PCDH15: variants seen among roughly 807,000 people sequenced by gnomAD.
The protein encoded by PCDH15 is protocadherin related 15.
PCDH15 carries 129 observed loss-of-function variants against 178.5 expected under a neutral mutation model. That is an observed-to-expected ratio of 0.72 (90% CI 0.63 to 0.84). PCDH15 has a LOEUF of 0.84. PCDH15 is among the 40% of genes least tolerant of loss of function. PCDH15 has a pLI of 0.00. For synonymous variants in PCDH15, 800 were observed against 732.0 expected, an observed-to-expected ratio of 1.09 and a Z score of -1.50; for missense variants, 2,230 against 2,099.9, an observed-to-expected ratio of 1.06 and a Z score of -1.21.
chr10:54,496,717 G>C (rs2080149663), intron 3 of PCDH15, among the ~76,000 whole-genome samples: 2 of 152,052 alleles, frequency 1.3e-5, no homozygotes, highest in Non-Finnish European at 2.9e-5. Context: ...TAAAACTTGA[G>C]AGAGCTTATC....
At chr10:55,085,337 T>C (rs1038402875) in intron 2 of PCDH15, among the ~76,000 whole-genome samples, 2 of 151,688 alleles carry the variant, frequency 1.3e-5, no homozygotes, top group Non-Finnish European at 3.0e-5. Context: ...AGACAGAGAG[T>C]AGAATGATGG....
intron 13 of PCDH15, among the ~76,000 whole-genome samples, chr10:54,172,907 T>G (rs1202860367): frequency 1.3e-5 from 2 of 152,150 alleles, no homozygotes; most frequent in Non-Finnish European, 2.9e-5. Context: ...AATATAAAAG[T>G]AAATAATTGT....
chr10:54,797,510 AC>A (rs1441740130), intron 1 of PCDH15, among the ~76,000 whole-genome samples: 2 of 21,476 alleles, frequency 9.3e-5, no homozygotes, highest in African/African-American at 1.6e-4. Context: ...TTGTTGAAAC[AC>A]ACACACACAC....
chr10:54,090,138 T>C (rs564310508), intron 15 of PCDH15, 75 bp from the exon 16 acceptor site: 70 of 1,113,022 alleles, frequency 6.3e-5, no homozygotes, highest in Admixed American at 5.2e-4. Flanking sequence ...ATATAAAAGC[T>C]TGAAACTAAT....
rs533240028 is a variant in PCDH15, at chr10:54,189,756, G to A, written c.1306-4488C>T. 2.6e-5 allele frequency among the ~76,000 whole-genome samples: 4 copies of A among 151,822 alleles called. No individual in the cohort carries two copies. In the South Asian group the frequency reaches 8.3e-4, roughly 32 times the overall value. On this transcript the variant is annotated intron_variant, in intron 11 of 37. Transcript: ENST00000644397. Reference sequence around the variant, plus strand: ...ATCAGCATTCAATAATCAATTTTTAGCATCTCTGACACTGAAAACCTGGTG... The same window carrying A: ...ATCAGCATTCAATAATCAATTTTTAACATCTCTGACACTGAAAACCTGGTG...
intron 2 of PCDH15, among the ~76,000 whole-genome samples, chr10:55,031,617 T>G (rs932196741): frequency 2.2e-4 from 33 of 152,170 alleles, no homozygotes; most frequent in Non-Finnish European, 2.5e-4. Flanking sequence ...AATTCAGATG[T>G]TGCCAATGTG....
intron 1 of PCDH15, among the ~76,000 whole-genome samples, chr10:54,796,274 GTATCTATGTATCTATC>G (rs1358859208): frequency 7.4e-4 from 42 of 56,958 alleles, no homozygotes; most frequent in African/African-American, 2.8e-3. Flanking sequence ...ATCTATCTAT[GTATCTATGTATCTATC>G]TATCTATCTA....
rs1952161218 is a variant in PCDH15, at chr10:54,797,516, AC to A, written c.-29+3408del. 1.5e-4 allele frequency among the ~76,000 whole-genome samples: 8 copies of A among 52,846 alleles called. No homozygotes were observed. The Admixed American group carries it at 1.8e-3, about 12-fold the overall frequency. The allele number at this position is 52,846 out of a possible 152,430, so 34.7% of individuals were successfully genotyped here. On this transcript the variant is annotated intron_variant, in intron 1 of 37. Transcript: ENST00000644397. Reference sequence around the variant, plus strand: ...TTGCTGTTATTGTTGAAACACACACACACACACACACACACACACACACACA... The same window carrying A: ...TTGCTGTTATTGTTGAAACACACACAACACACACACACACACACACACACA...
At chr10:54,928,927 C>T (rs975811315) in intron 2 of PCDH15, among the ~76,000 whole-genome samples, 1 of 152,128 alleles carries the variant, frequency 6.6e-6, no homozygotes, top group Non-Finnish European at 1.5e-5. Context: ...TCTACTTCTG[C>T]AATTTCAGCA....
intron 3 of PCDH15, among the ~76,000 whole-genome samples, chr10:54,842,263 A>G (rs1953432938): frequency 1.3e-5 from 2 of 151,654 alleles, no homozygotes; most frequent in South Asian, 2.1e-4. Context: ...GAGTCTTCGT[A>G]ATTTTATTTT....
intron 2 of PCDH15, among the ~76,000 whole-genome samples, chr10:55,495,210 A>C (rs533947424): frequency 1.3e-5 from 2 of 151,802 alleles, no homozygotes; most frequent in Non-Finnish European, 2.9e-5. Context: ...TTTCTTAAAT[A>C]TAAAACCAAA....
chr10:55,368,652 A>T (rs1845423096), intron 2 of PCDH15, among the ~76,000 whole-genome samples: 1 of 152,024 alleles, frequency 6.6e-6, no homozygotes, highest in Admixed American at 6.6e-5. Flanking sequence ...TAACACTGGT[A>T]GTTCTAAGAA....
intron 2 of PCDH15, among the ~76,000 whole-genome samples, chr10:55,325,586 T>G (rs909314391): frequency 6.6e-6 from 1 of 152,106 alleles, no homozygotes; most frequent in African/African-American, 2.4e-5. Context: ...GATTGAAGAC[T>G]TAAATATAAA....
At chr10:54,663,055 A>T (rs977090674) in intron 2 of PCDH15, among the ~76,000 whole-genome samples, 1 of 151,988 alleles carries the variant, frequency 6.6e-6, no homozygotes, top group African/African-American at 2.4e-5. Context: ...TGCCGATCTT[A>T]TGAAAGGGAA....
intron 3 of PCDH15, among the ~76,000 whole-genome samples, chr10:54,429,064 TGA>T (rs1438649538): frequency 4.6e-5 from 5 of 108,248 alleles, no homozygotes; most frequent in African/African-American, 1.5e-4. Context: ...AAATTACTCT[TGA>T]CTTAAGTAGA....
At chr10:55,002,955 T>C (rs2131932284) in intron 2 of PCDH15, among the ~76,000 whole-genome samples, 1 of 152,322 alleles carries the variant, frequency 6.6e-6, no homozygotes, top group South Asian at 2.1e-4. Context: ...TCTTACCTTA[T>C]GGTCAAACTA....
chr10:54,205,481 TTG>T (rs71461223), intron 10 of PCDH15, among the ~76,000 whole-genome samples: 3,057 of 135,092 alleles, frequency 0.023, 82 homozygotes, highest in African/African-American at 0.059. Flanking sequence ...TATATTTCCT[TTG>T]TGTGTGTGTG....
intron 1 of PCDH15, among the ~76,000 whole-genome samples, chr10:54,729,743 A>AGAAAT (rs966840710): frequency 1.3e-5 from 2 of 151,742 alleles, no homozygotes; most frequent in Non-Finnish European, 3.0e-5. Flanking sequence ...AATAAGCAAA[A>AGAAAT]GAAATGAACA....
intron 1 of PCDH15, among the ~76,000 whole-genome samples, chr10:54,730,023 T>C (rs959637677): frequency 3.3e-5 from 5 of 151,592 alleles, no homozygotes; most frequent in African/African-American, 1.2e-4. Flanking sequence ...AGAACAATCA[T>C]TCAACCCAGC....
Sources: allele counts gnomAD v4.1 joint callset (sites outside exome capture counted in the v4.1 genomes callset), GRCh38; gene constraint gnomAD v4.1.1; transcripts MANE v1.5; gene names NCBI Gene and HGNC (gene_info 2026-07-23, HGNC 2026-07-21).